Variants in PARP4 observed in about 807,000 individuals in gnomAD.
PARP4 encodes protein mono-ADP-ribosyltransferase PARP4.
A neutral mutation model predicts 187.7 loss-of-function variants in PARP4; 120 were observed. That is an observed-to-expected ratio of 0.64 (90% CI 0.55 to 0.74). The LOEUF is 0.74. Among genes scored for constraint, PARP4 ranks in the 30% least tolerant of loss-of-function variants. The pLI, the probability that PARP4 is intolerant of heterozygous loss-of-function variation, is 0.00. For missense variants in PARP4, 1,836 were observed against 2,070.5 expected, an observed-to-expected ratio of 0.89 and a Z score of 2.20; for synonymous variants, 654 against 740.9, an observed-to-expected ratio of 0.88 and a Z score of 1.90.
At chr13:24,447,619 C>T (rs1221395711) in intron 25 of PARP4, among the ~76,000 whole-genome samples, 2 of 152,224 alleles carry the variant, frequency 1.3e-5, no homozygotes, top group Admixed American at 6.5e-5. Context: ...CCTCAGCCTC[C>T]CAAAGTGCTG....
Position 24,479,389 on chromosome 13 carries a change from T to C in PARP4, c.1449-1113A>G, listed in dbSNP as rs1357849949. On this transcript the variant is annotated intron_variant, in intron 12 of 33. Transcript: ENST00000381989. ...CTCTGGACTTCTCCCTGGAGCTCTC[T>C]CTATTCCTTCCTATCTCACCACGTT... is the stretch of plus-strand genomic sequence containing the variant. 2.0e-5 allele frequency among the ~76,000 whole-genome samples: 3 copies of C among 152,180 alleles called. No homozygotes were observed. In the East Asian group the frequency reaches 5.8e-4, roughly 29 times the overall value.
intron 12 of PARP4, among the ~76,000 whole-genome samples, chr13:24,481,018 C>T (rs1873249359): frequency 6.6e-6 from 1 of 152,230 alleles, no homozygotes; most frequent in Admixed American, 6.5e-5. Context: ...AGACGACAGG[C>T]TGACTCTTGT....
chr13:24,507,180 G>A (rs1300063154), intron 1 of PARP4, among the ~76,000 whole-genome samples: 1 of 152,220 alleles, frequency 6.6e-6, no homozygotes, highest in Non-Finnish European at 1.5e-5. Flanking sequence ...GTTCCGTCCT[G>A]CGCCTGCAAG....
rs1222705967 is a variant in PARP4, at chr13:24,490,655, C to T, written c.1214+13G>A. ...TATTATAACAGATCCTGAGATATTT[C>T]CTTTATGCTTACCTGTGATGATTCT... On this transcript the variant is annotated intron_variant, in intron 10 of 33. Transcript: ENST00000381989. 3.7e-6 allele frequency: 6 copies of T among 1,601,716 alleles called. No homozygotes were observed. The highest frequency in any genetic ancestry group is 5.1e-6 in the Non-Finnish European group (6 of 1,169,828).
chr13:24,432,948 C>T (rs752507112), intron 31 of PARP4, among the ~76,000 whole-genome samples: 10 of 152,084 alleles, frequency 6.6e-5, no homozygotes, highest in Admixed American at 3.9e-4. Flanking sequence ...TATGGCAATA[C>T]CTTGAAAAAT....
chr13:24,511,271 TAACC>T (rs890768783), intron 1 of PARP4, among the ~76,000 whole-genome samples: 1 of 152,168 alleles, frequency 6.6e-6, no homozygotes, highest in African/African-American at 2.4e-5. Context: ...TAACAGCGCC[TAACC>T]GACATGCGCC....
intron 6 of PARP4, among the ~76,000 whole-genome samples, chr13:24,496,949 G>T (rs2137537728): frequency 6.6e-6 from 1 of 152,202 alleles, no homozygotes; most frequent in East Asian, 1.9e-4. Context: ...CTTGAACCTG[G>T]GAGGCAGAGG....
At position 24,478,176 on chromosome 13, in the gene PARP4, C is replaced by A; in HGVS notation, c.1549G>T (p.Asp517Tyr). The A allele has an allele frequency of 6.2e-7, 1 of 1,611,428 alleles. No homozygotes were observed. The highest frequency in any genetic ancestry group is 1.3e-5 in the African/African-American group (1 of 74,958). ...GGTGGTGCTTCAGTTAAGGAAAAGTCCTTCTCATGTAAGTCCATACACTTT... is the reference window on the plus strand; with the variant it reads ...GGTGGTGCTTCAGTTAAGGAAAAGTACTTCTCATGTAAGTCCATACACTTT... ...LGKCMDLHEK[D>Y]FSLTEAPPGY... The change falls in exon 13 of 34, where the codon GAC (aspartate) becomes TAC (tyrosine). Residue 517 changes from aspartate (D) to tyrosine (Y), a missense_variant. By Grantham distance (160) the Asp-to-Tyr change is radical. Transcript: ENST00000381989.
At chr13:24,494,284 C>T (rs1868821002) in intron 7 of PARP4, among the ~76,000 whole-genome samples, 1 of 152,184 alleles carries the variant, frequency 6.6e-6, no homozygotes, top group African/African-American at 2.4e-5. Flanking sequence ...TAACCTCGAA[C>T]TGCTGAATTC....
intron 30 of PARP4, among the ~76,000 whole-genome samples, chr13:24,437,075 G>C (rs1870673083): frequency 6.6e-6 from 1 of 152,008 alleles, no homozygotes; most frequent in Non-Finnish European, 1.5e-5. Context: ...AACAGAGTAG[G>C]TAAGTCCAGC....
intron 17 of PARP4, among the ~76,000 whole-genome samples, chr13:24,465,485 G>A (rs574819412): frequency 9.8e-5 from 15 of 152,304 alleles, no homozygotes; most frequent in African/African-American, 3.1e-4. Flanking sequence ...CATGAATGAA[G>A]CTGGAAGCCA....
intron 8 of PARP4, 23 bp from the exon 9 acceptor site, chr13:24,492,617 T>C: frequency 1.3e-6 from 2 of 1,578,594 alleles, no homozygotes; most frequent in Non-Finnish European, 1.7e-6. Flanking sequence ...CATATATGCT[T>C]ATTACAATGA....
At chr13:24,511,269 C>G (rs1870007074) in intron 1 of PARP4, among the ~76,000 whole-genome samples, 1 of 152,090 alleles carries the variant, frequency 6.6e-6, no homozygotes. Flanking sequence ...GTTAACAGCG[C>G]CTAACCGACA....
chr13:24,465,547 A>T (rs1872419505), intron 17 of PARP4, among the ~76,000 whole-genome samples: 1 of 152,154 alleles, frequency 6.6e-6, no homozygotes, highest in South Asian at 2.1e-4. Context: ...GGATGTTCTT[A>T]CTTACACGTG....
In PARP4 at chr13:24,486,244, A is replaced by C; in HGVS notation, c.1276T>G (p.Phe426Val). 1 of 1,612,584 alleles carries C rather than the reference A, an allele frequency of 6.2e-7. No homozygotes were observed. The highest frequency in any genetic ancestry group is 8.5e-7 in the Non-Finnish European group (1 of 1,178,742). ...RVGRVNETTE[F>V]LSKLGNVRPL... ...CTCACATTACCAAGTTTGCTCAAAA[A>C]CTCTGTGGTTTCATTCACTCTGCCA... The change falls in exon 11 of 34, where the codon TTT becomes GTT. Residue 426 changes from phenylalanine (F) to valine (V), a missense_variant. Transcript: ENST00000381989.
At position 24,426,386 on chromosome 13, in the gene PARP4, T is replaced by C. The variant is rs1593581815; in HGVS notation, c.4979+80A>G. 9.8e-6 allele frequency: 11 copies of C among 1,121,104 alleles called. No individual in the cohort carries two copies. The South Asian group carries it at 1.5e-4, about 15-fold the overall frequency. The allele number at this position is 1,121,104 out of a possible 1,614,324, so 69.4% of individuals were successfully genotyped here. A position where few individuals can be genotyped will look rare whatever the true frequency, so the allele number is the denominator to read the frequency against. On this transcript the variant is annotated intron_variant, in intron 33 of 33. Coordinates refer to ENST00000381989, the MANE Select transcript of PARP4 (RefSeq NM_006437.4). ...TTATAGTGTACACATGTAAGATAAT[T>C]CCCTATAGCTGTTTCTAAGGTTTAT...
intron 11 of PARP4, among the ~76,000 whole-genome samples, chr13:24,485,412 T>C (rs1873500638): frequency 6.6e-6 from 1 of 152,254 alleles, no homozygotes; most frequent in South Asian, 2.1e-4. Context: ...GCACTAAATC[T>C]ATAGACTAAT....
intron 25 of PARP4, among the ~76,000 whole-genome samples, chr13:24,448,954 A>C (rs1871353195): frequency 6.6e-6 from 1 of 152,228 alleles, no homozygotes. Flanking sequence ...CATGGTTAGC[A>C]GGCGCTGGGT....
intron 32 of PARP4, among the ~76,000 whole-genome samples, chr13:24,429,147 T>C (rs1051857160): frequency 1.3e-5 from 2 of 152,252 alleles, no homozygotes; most frequent in African/African-American, 4.8e-5. Flanking sequence ...GATACTATAT[T>C]TTCCAGTTCT....
Sources: gnomAD v4.1 joint callset for allele counts (sites outside exome capture counted in the v4.1 genomes callset) on GRCh38, gnomAD v4.1.1 for gene constraint, MANE v1.5 for transcripts, NCBI Gene and HGNC (gene_info 2026-07-23, HGNC 2026-07-21) for gene names.